The following EPHA4 variants were observed in gnomAD, a reference collection of about 807,000 sequenced individuals.
EPHA4 encodes the protein ephrin type-A receptor 4.
EPHA4 carries 19 observed loss-of-function variants against 108.3 expected under a neutral mutation model. The ratio of observed to expected loss-of-function variants is 0.18; its 90% CI spans 0.12 to 0.26. The LOEUF is 0.26. Among genes scored for constraint, EPHA4 ranks in the 10% least tolerant of loss-of-function variants. The pLI, the probability that EPHA4 is intolerant of heterozygous loss-of-function variation, is 1.00. For missense variants in EPHA4, 917 were observed against 1,254.0 expected (o/e 0.73, Z 4.06); for synonymous variants, 449 against 455.5 (o/e 0.99, Z 0.18).
At chr2:221,493,297 G>T (rs1692202819) in intron 4 of EPHA4, among the ~76,000 whole-genome samples, 1 of 152,056 alleles carries the variant, frequency 6.6e-6, no homozygotes, top group African/African-American at 2.4e-5. Context: ...ATACATCAAA[G>T]CCTCGCTCTA....
chr2:221,482,653 G>C lies in EPHA4; in HGVS notation c.1017C>G (p.Val339=). ...PSAPLNLISN[V]NETSVNLEWS... is the part of the protein sequence containing the mutation. The stretch of plus-strand genomic sequence containing the variant: ...ATTCCAAGTTCACAGATGTCTCGTT[G>C]ACATTTGAAATCAAGTTCAGGGGAG... Residue 339 remains valine (V), a synonymous_variant, in exon 5 of 18, where the codon GTC becomes GTG. Coordinates refer to ENST00000281821, the MANE Select transcript of EPHA4 (RefSeq NM_004438.5). The C allele has an allele frequency of 2.5e-6, 4 of 1,602,318 alleles. No individual in the cohort carries two copies. Among genetic ancestry groups the C allele is most frequent in the Non-Finnish European group, 1.7e-6 (2 of 1,170,078 alleles).
At chr2:221,430,184 G>T (rs1417119967) in intron 14 of EPHA4, 33 bp from the exon 15 acceptor site, 2 of 1,559,280 alleles carry the variant, frequency 1.3e-6, no homozygotes, top group Admixed American at 2.0e-5. Context: ...ATGTTAAGCT[G>T]CCAGGCAAGC....
At chr2:221,487,152 T>G (rs1447203199) in intron 4 of EPHA4, among the ~76,000 whole-genome samples, 1 of 152,188 alleles carries the variant, frequency 6.6e-6, no homozygotes, top group Non-Finnish European at 1.5e-5. Context: ...AAAACATTTA[T>G]GGTGTATCTA....
At chr2:221,454,176 G>A (rs765918513) in intron 8 of EPHA4, among the ~76,000 whole-genome samples, 3 of 151,870 alleles carry the variant, frequency 2.0e-5, no homozygotes, top group East Asian at 3.9e-4. Flanking sequence ...GCAAGACTCC[G>A]TCTCAGAAAA....
chr2:221,502,538 A>T, intron 3 of EPHA4: 1 of 471,404 alleles, frequency 2.1e-6, no homozygotes, highest in Non-Finnish European at 4.4e-6. Context: ...TGAAATGAGT[A>T]CTAGAAAGAG....
At chr2:221,430,858 C>G (rs951522846) in intron 14 of EPHA4, among the ~76,000 whole-genome samples, 1 of 152,132 alleles carries the variant, frequency 6.6e-6, no homozygotes, top group Non-Finnish European at 1.5e-5. Context: ...AAAGGAGACC[C>G]TCGCACATCT....
intron 4 of EPHA4, among the ~76,000 whole-genome samples, chr2:221,498,885 G>T (rs957738099): frequency 6.7e-6 from 1 of 149,572 alleles, no homozygotes; most frequent in Non-Finnish European, 1.5e-5. Flanking sequence ...TCTGCCTTCC[G>T]GTTCAAGCAA....
chr2:221,447,670 A>T (rs1340766754), intron 8 of EPHA4, among the ~76,000 whole-genome samples: 2 of 152,104 alleles, frequency 1.3e-5, no homozygotes, highest in African/African-American at 4.8e-5. Context: ...CTCATCTCAT[A>T]TATTATCTCC....
At chr2:221,537,296 G>A (rs189179905) in intron 3 of EPHA4, among the ~76,000 whole-genome samples, 2 of 152,314 alleles carry the variant, frequency 1.3e-5, no homozygotes, top group East Asian at 1.9e-4. Flanking sequence ...TCTCTTGAAA[G>A]TACACTCAAA....
chr2:221,572,913 A>G (rs1318804181), upstream of EPHA4: 1 of 152,356 alleles, frequency 6.6e-6, no homozygotes, highest in Non-Finnish European at 1.5e-5. Context: ...GGCTCCCCAG[A>G]TGCCTGGAGA....
intron 3 of EPHA4, among the ~76,000 whole-genome samples, chr2:221,529,806 C>T (rs1039697053): frequency 4.6e-5 from 7 of 152,168 alleles, no homozygotes; most frequent in African/African-American, 1.7e-4. Flanking sequence ...AACTTTTAGA[C>T]ACAAAGCAAA....
intron 5 of EPHA4, 95 bp from the exon 6 acceptor site, chr2:221,458,085 G>T (rs760137907): frequency 4.7e-6 from 7 of 1,477,862 alleles, no homozygotes; most frequent in Non-Finnish European, 6.4e-6. Context: ...TTTAAGAAAA[G>T]TGTGAAAGAT....
rs752080176 is a variant in EPHA4 at position 221,564,120 on chromosome 2, A to G, written c.434T>C (p.Ile145Thr). 2.7e-5 allele frequency: 43 copies of G among 1,613,990 alleles called. No individual in the cohort carries two copies. The highest frequency in any genetic ancestry group is 1.1e-4 in the East Asian group (5 of 44,888). The part of the protein sequence containing the change: ...RFIRENQFVK[I>T]DTIAADESFT... The stretch of plus-strand genomic sequence containing the variant: ...GCTCTCATCAGCAGCAATGGTGTCA[A>G]TTTTGACAAACTGGTTCTCTCTGAT... The change falls in exon 3 of 18, where the codon ATT (isoleucine) becomes ACT (threonine). Residue 145 changes from isoleucine to threonine, a missense_variant. This residue lies in a region of EPHA4 where 758 missense variants were observed against 1,076.7 expected (regional missense o/e 0.70). Coordinates refer to ENST00000281821, the MANE Select transcript of EPHA4 (RefSeq NM_004438.5).
rs774718510 is a variant in EPHA4 at position 221,564,374 on chromosome 2, C to T, written c.180G>A (p.Met60Ile). ...TTCGGATTGGTGTATTTTTTTCATC[C>T]ATGATACTCACTTCCTCCCACTGCA... Reference protein sequence around the residue: ...LEGGWEEVSIMDEKNTPIRTY... With the variant: ...LEGGWEEVSIIDEKNTPIRTY... Residue 60 changes from methionine to isoleucine, a missense_variant, in exon 3 of 18, where the codon ATG becomes ATA. By Grantham distance (10) the Met-to-Ile change is conservative. Around this residue, in one of 3 missense-constraint regions of EPHA4, gnomAD observed 758 missense variants for 1,076.7 expected, o/e 0.70. Coordinates refer to ENST00000281821, the MANE Select transcript of EPHA4 (RefSeq NM_004438.5). 1.2e-6 allele frequency: 2 copies of T among 1,611,410 alleles called. No individual in the cohort carries two copies. Among genetic ancestry groups the T allele is most frequent in the Admixed American group, 1.7e-5 (1 of 59,994 alleles).
chr2:221,439,612 T>A (rs1690354048), intron 11 of EPHA4, among the ~76,000 whole-genome samples: 1 of 151,838 alleles, frequency 6.6e-6, no homozygotes. Context: ...CTCAGCCTCT[T>A]GAGTAGCTGG....
intron 3 of EPHA4, among the ~76,000 whole-genome samples, chr2:221,542,250 G>T (rs56671585): frequency 6.6e-6 from 1 of 152,142 alleles, no homozygotes; most frequent in Non-Finnish European, 1.5e-5. Context: ...AGAAGAAGGT[G>T]CAAAACTTAA....
chr2:221,490,308 C>A (rs1692104724), intron 4 of EPHA4, among the ~76,000 whole-genome samples: 1 of 150,684 alleles, frequency 6.6e-6, no homozygotes, highest in South Asian at 2.1e-4. Context: ...GCAACCAAGG[C>A]AAGAAGACAG....
At chr2:221,443,630 G>A in intron 9 of EPHA4, 24 bp from the exon 10 acceptor site, 1 of 1,542,704 alleles carries the variant, frequency 6.5e-7, no homozygotes, top group Non-Finnish European at 9.0e-7. Context: ...ATGATAAGTT[G>A]GCTGAATACT....
chr2:221,479,638 A>T (rs1471174779), intron 5 of EPHA4, among the ~76,000 whole-genome samples: 1 of 152,204 alleles, frequency 6.6e-6, no homozygotes, highest in Non-Finnish European at 1.5e-5. Flanking sequence ...CGGTTGCTAC[A>T]TTCACCCGAA....
Sources: allele counts gnomAD v4.1 joint callset (sites outside exome capture counted in the v4.1 genomes callset), GRCh38; gene constraint gnomAD v4.1.1; regional missense constraint gnomAD v4.1.1; transcripts MANE v1.5; gene names NCBI Gene and HGNC (gene_info 2026-07-23, HGNC 2026-07-21).